Variants in ABCE1 observed in about 807,000 individuals in gnomAD.
ABCE1 encodes the protein ATP binding cassette subfamily E member 1, also known as ATP-binding cassette sub-family E member 1.
ABCE1 carries 22 observed loss-of-function variants against 83.4 expected under a neutral mutation model. The ratio of observed to expected loss-of-function variants is 0.26; its 90% confidence interval spans 0.19 to 0.38. ABCE1 has a LOEUF of 0.38. Among genes scored for constraint, ABCE1 ranks in the 10% least tolerant of loss-of-function variants. The pLI is 1.00. For missense variants in ABCE1, 330 were observed against 721.9 expected (o/e 0.46, Z 6.22); for synonymous variants, 204 against 233.7 (o/e 0.87, Z 1.16).
At chr4:145,127,077 A>C (rs1019144092) in intron 17 of ABCE1, among the ~76,000 whole-genome samples, 3 of 152,186 alleles carry the variant, frequency 2.0e-5, no homozygotes, top group African/African-American at 7.2e-5. Context: ...ATAAGAGAAC[A>C]GCTCAACAAG....
In ABCE1 at chr4:145,117,226, T is replaced by G; in HGVS notation, c.801-67T>G. ...AAATTTTATTAGATGTATCTCTTTT[T>G]CTGAAATTTCCAACTATTAAAAATA... On this transcript the variant is annotated intron_variant, in intron 9 of 17. Coordinates refer to ENST00000296577, the MANE Select transcript of ABCE1 (RefSeq NM_002940.3). 7 of 1,381,288 alleles carry G rather than the reference T, an allele frequency of 5.1e-6. No individual in the cohort carries two copies. The South Asian group carries it at 8.8e-5, about 17-fold the overall frequency. The allele number at this position is 1,381,288 out of a possible 1,614,324, so 85.6% of individuals were successfully genotyped here.
chr4:145,112,158 TAC>T, intron 8 of ABCE1, 79 bp from the exon 9 acceptor site: 1 of 963,892 alleles, frequency 1.0e-6, no homozygotes, highest in Non-Finnish European at 1.5e-6. Flanking sequence ...CTCTTGATAC[TAC>T]AGTGCTTTAA....
At chr4:145,110,746 G>C in intron 7 of ABCE1, 1 of 544,346 alleles carries the variant, frequency 1.8e-6, no homozygotes, top group Non-Finnish European at 3.2e-6. Flanking sequence ...ACAGGCGTGA[G>C]CCACTGCGCC....
chr4:145,119,618 T>C (rs2126711615), intron 10 of ABCE1, among the ~76,000 whole-genome samples: 1 of 152,104 alleles, frequency 6.6e-6, no homozygotes, highest in Admixed American at 6.5e-5. Flanking sequence ...TACATATTTG[T>C]CATTTTCGCT....
intron 3 of ABCE1, among the ~76,000 whole-genome samples, chr4:145,106,031 A>ATTTAAATACCTTTTAAATT (rs1388249336): frequency 2.0e-5 from 3 of 151,940 alleles, no homozygotes; most frequent in African/African-American, 7.2e-5. Flanking sequence ...TTAAATAGAA[A>ATTTAAATACCTTTTAAATT]TGCACACAGC....
intron 13 of ABCE1, chr4:145,122,784 G>T (rs193150005): frequency 1.2e-5 from 4 of 341,444 alleles, no homozygotes; most frequent in African/African-American, 2.1e-5. Flanking sequence ...GCACACCTGG[G>T]CAATGGAGCA....
chr4:145,110,562 G>C lies in ABCE1; in HGVS notation c.613+118G>C, dbSNP rs1749442344. ...GCAACCTCTGCTTACCACAACCTCT[G>C]CCTCCCGGGTTCAAGCGATACTCCT... On this transcript the variant is annotated intron_variant, in intron 7 of 17. Coordinates refer to ENST00000296577, the MANE Select transcript of ABCE1 (RefSeq NM_002940.3). 11 of 972,572 alleles carry C rather than the reference G, an allele frequency of 1.1e-5. No homozygotes were observed. The East Asian group carries it at 2.9e-4, about 26-fold the overall frequency. The allele number at this position is 972,572 out of a possible 1,614,324, so 60.2% of individuals were successfully genotyped here. A position where few individuals can be genotyped will look rare whatever the true frequency, so the allele number is the denominator to read the frequency against.
chr4:145,101,552 G>C (rs1046875802), intron 1 of ABCE1, among the ~76,000 whole-genome samples: 16 of 152,138 alleles, frequency 1.1e-4, no homozygotes, highest in Admixed American at 1.0e-3. Flanking sequence ...AACTGTTGAG[G>C]GTTAGAGTAG....
chr4:145,119,348 A>G (rs1023270469), intron 10 of ABCE1, among the ~76,000 whole-genome samples: 1 of 151,916 alleles, frequency 6.6e-6, no homozygotes, highest in Non-Finnish European at 1.5e-5. Context: ...CTTGTATACA[A>G]TGTGGATTTA....
chr4:145,098,905 A>C (rs920523512), intron 1 of ABCE1, among the ~76,000 whole-genome samples: 1 of 152,230 alleles, frequency 6.6e-6, no homozygotes, highest in South Asian at 2.1e-4. Context: ...GCCGCCATGA[A>C]GTCGAATACT....
At chr4:145,112,856 G>T (rs373167518) in intron 9 of ABCE1, among the ~76,000 whole-genome samples, 1 of 152,122 alleles carries the variant, frequency 6.6e-6, no homozygotes, top group African/African-American at 2.4e-5. Flanking sequence ...TCTTTAGATG[G>T]TATTCCTATT....
rs369863277 is a variant in ABCE1, at chr4:145,108,039, A to G, written c.214A>G (p.Ile72Val). 4 of 1,613,342 alleles carry G rather than the reference A, an allele frequency of 2.5e-6. No individual in the cohort carries two copies. Among genetic ancestry groups the G allele is most frequent in the East Asian group, 2.2e-5 (1 of 44,850 alleles). Residue 72 changes from isoleucine (I) to valine (V), a missense_variant, in exon 4 of 18, where the codon ATT becomes GTT. Physicochemically the swap from Ile to Val is conservative, Grantham distance 29. Transcript: ENST00000296577. ...GAAATGCCCCTTTGGCGCCTTATCAATTGTCAATCTACCAAGCAACTTGGA... is the reference window on the plus strand; with the variant it reads ...GAAATGCCCCTTTGGCGCCTTATCAGTTGTCAATCTACCAAGCAACTTGGA... ...IKKCPFGALS[I>V]VNLPSNLEKE...
intron 13 of ABCE1, 70 bp downstream of exon 13, chr4:145,121,461 C>A (rs2126713047): frequency 8.5e-7 from 1 of 1,182,216 alleles, no homozygotes; most frequent in Non-Finnish European, 1.2e-6. Flanking sequence ...TCATCTTTTA[C>A]TATATTAAAA....
intron 7 of ABCE1, 96 bp downstream of exon 7, chr4:145,110,540 A>T (rs1219937822): frequency 1.8e-6 from 2 of 1,138,226 alleles, no homozygotes; most frequent in Non-Finnish European, 2.6e-6. Context: ...CAATGATGCA[A>T]CCTCTGCTTA....
intron 17 of ABCE1, among the ~76,000 whole-genome samples, chr4:145,126,832 C>CT (rs974426579): frequency 6.6e-6 from 1 of 152,008 alleles, no homozygotes; most frequent in Non-Finnish European, 1.5e-5. Flanking sequence ...GTCTGGATGC[C>CT]TTTTTTCTGA....
At chr4:145,107,989 A>T in intron 3 of ABCE1, 26 bp from the exon 4 acceptor site, 2 of 1,566,572 alleles carry the variant, frequency 1.3e-6, no homozygotes, top group South Asian at 2.3e-5. Flanking sequence ...TTAATACAAA[A>T]ATTAATTCTT....
chr4:145,112,647 A>G (rs1553993911), intron 9 of ABCE1, among the ~76,000 whole-genome samples: 1 of 152,160 alleles, frequency 6.6e-6, no homozygotes, highest in Non-Finnish European at 1.5e-5. Context: ...CACACACAAC[A>G]CACGCACGCA....
chr4:145,105,268 G>A (rs1162091510), intron 2 of ABCE1, among the ~76,000 whole-genome samples: 1 of 151,844 alleles, frequency 6.6e-6, no homozygotes, highest in Admixed American at 6.6e-5. Context: ...TTTGTTTTAT[G>A]AATTTAAAAT....
intron 8 of ABCE1, among the ~76,000 whole-genome samples, chr4:145,111,346 C>T (rs993574942): frequency 5.9e-5 from 9 of 152,032 alleles, no homozygotes; most frequent in Admixed American, 1.3e-4. Context: ...TTTTTTGAGA[C>T]GGAGTCTCGC....
Sources: allele counts gnomAD v4.1 joint callset (sites outside exome capture counted in the v4.1 genomes callset), GRCh38; gene constraint gnomAD v4.1.1; transcripts MANE v1.5; gene names NCBI Gene and HGNC (gene_info 2026-07-23, HGNC 2026-07-21).